The following RARB variants were observed in gnomAD, a reference collection of about 807,000 sequenced individuals.
RARB encodes HBV-activated protein.
In RARB, 17 loss-of-function variants were observed where a neutral mutation model predicts 51.9. That is an observed-to-expected ratio of 0.33 (90% CI 0.22 to 0.49). RARB has a LOEUF of 0.49. RARB is among the 20% of genes least tolerant of loss of function. The pLI, the probability that RARB is intolerant of heterozygous loss-of-function variation, is 0.99. For synonymous variants in RARB, 215 were observed against 195.4 expected, an observed-to-expected ratio of 1.10 and a Z score of -0.84; for missense variants, 369 against 550.8, an observed-to-expected ratio of 0.67 and a Z score of 3.30.
chr3:25,548,038 TGA>T (rs1292926968), intron 3 of RARB, among the ~76,000 whole-genome samples: 2 of 151,964 alleles, frequency 1.3e-5, no homozygotes, highest in Non-Finnish European at 2.9e-5. Flanking sequence ...TTTTCTAGCT[TGA>T]GTGACATAAA....
intron 5 of RARB, among the ~76,000 whole-genome samples, chr3:25,582,401 C>T (rs147501774): frequency 2.9e-4 from 44 of 152,158 alleles, no homozygotes; most frequent in African/African-American, 9.9e-4. Context: ...GTCATTCTGA[C>T]AGCCCTGCAT....
intron 2 of RARB, among the ~76,000 whole-genome samples, chr3:24,860,961 T>C (rs921680210): frequency 1.4e-4 from 21 of 152,178 alleles, no homozygotes; most frequent in Admixed American, 4.6e-4. Context: ...GGTTCGTATA[T>C]TTTGTGAAAC....
chr3:24,842,840 A>T, intron 1 of RARB, among the ~76,000 whole-genome samples: 1 of 152,250 alleles, frequency 6.6e-6, no homozygotes, highest in Middle Eastern at 3.2e-3. Context: ...CATGAAACCC[A>T]ATATATTTTG....
intron 5 of RARB, among the ~76,000 whole-genome samples, chr3:25,226,112 C>T (rs1190490253): frequency 1.3e-5 from 2 of 152,136 alleles, no homozygotes; most frequent in South Asian, 2.1e-4. Context: ...TAAGGAAAGA[C>T]GTGTCCACTT....
intron 5 of RARB, among the ~76,000 whole-genome samples, chr3:25,211,785 C>T: frequency 6.6e-6 from 1 of 152,164 alleles, no homozygotes; most frequent in East Asian, 1.9e-4. Context: ...CATCTGTGTT[C>T]TAGCAAAAAT....
Position 25,379,987 on chromosome 3 carries a change from AATGACTGTGTAAGCTGC to A in RARB, c.179-81198_179-81182del, listed in dbSNP as rs531427778. On this transcript the variant is annotated intron_variant, in intron 5 of 11. Coordinates refer to the RARB transcript ENST00000383772. ...AGAGATTCTGAAAGACTGCAGAAAG[AATGACTGTGTAAGCTGC>A]ATGACTGGAAAATTCATGTTGGACT... 2.3e-4 allele frequency among the ~76,000 whole-genome samples: 35 copies of A among 152,310 alleles called. No homozygotes were observed. In the East Asian group the frequency reaches 3.1e-3, roughly 13 times the overall value.
intron 3 of RARB, among the ~76,000 whole-genome samples, chr3:25,539,609 C>A (rs373718428): frequency 4.0e-5 from 1 of 24,900 alleles, no homozygotes; most frequent in Admixed American, 4.2e-4. Flanking sequence ...TTTTGTATTT[C>A]TTTTTTCCCC....
At chr3:25,439,762 T>A (rs1203525807) in intron 1 of RARB, among the ~76,000 whole-genome samples, 1 of 152,262 alleles carries the variant, frequency 6.6e-6, no homozygotes, top group East Asian at 1.9e-4. Flanking sequence ...TCTACCTGTT[T>A]CTTTTGTTTG....
At chr3:24,869,730 T>C (rs939716288) in intron 2 of RARB, among the ~76,000 whole-genome samples, 1 of 152,108 alleles carries the variant, frequency 6.6e-6, no homozygotes, top group African/African-American at 2.4e-5. Flanking sequence ...TTTTTTGCAT[T>C]TTATAAATAA....
chr3:25,284,745 G>T (rs1033450573), intron 5 of RARB, among the ~76,000 whole-genome samples: 1 of 152,306 alleles, frequency 6.6e-6, no homozygotes, highest in Non-Finnish European at 1.5e-5. Context: ...ACATGAGTTT[G>T]AACTGCGCAA....
Position 24,854,814 on chromosome 3 carries a change from C to T in RARB, c.-458-3860C>T, listed in dbSNP as rs558354817. ...GTCTCCAAATATTATGAAATGTTCC[C>T]TGGGGGCAAAATCATCCCTAGATGA... On this transcript the variant is annotated intron_variant, in intron 1 of 11. Coordinates refer to the RARB transcript ENST00000383772. Among the ~76,000 whole-genome samples the T allele has an allele frequency of 3.3e-5, 5 of 152,166 alleles. No homozygotes were observed. In the East Asian group the frequency reaches 7.7e-4, roughly 23 times the overall value.
At chr3:25,549,109 T>A (rs903366063) in intron 3 of RARB, among the ~76,000 whole-genome samples, 1 of 152,026 alleles carries the variant, frequency 6.6e-6, no homozygotes, top group South Asian at 2.1e-4. Context: ...GCGTATGAAA[T>A]GGTATCAAAA....
intron 2 of RARB, among the ~76,000 whole-genome samples, chr3:25,039,371 T>C (rs374385305): frequency 1.3e-5 from 2 of 152,206 alleles, no homozygotes; most frequent in East Asian, 3.9e-4. Context: ...TTAATTCTGA[T>C]GGTGAAAAAT....
intron 2 of RARB, among the ~76,000 whole-genome samples, chr3:25,013,067 C>T (rs1425595918): frequency 1.3e-5 from 2 of 152,086 alleles, no homozygotes; most frequent in Non-Finnish European, 2.9e-5. Context: ...CTGGCGTGGA[C>T]CCACTGTAGT....
chr3:25,298,270 C>G (rs112407851), intron 5 of RARB, among the ~76,000 whole-genome samples: 1 of 151,668 alleles, frequency 6.6e-6, no homozygotes, highest in Non-Finnish European at 1.5e-5. Flanking sequence ...GCAACCCTTG[C>G]CTCCCGGTTT....
intron 1 of RARB, among the ~76,000 whole-genome samples, chr3:25,456,949 C>T (rs950411009): frequency 1.3e-5 from 2 of 151,972 alleles, no homozygotes; most frequent in African/African-American, 4.8e-5. Flanking sequence ...TTGATTTCTC[C>T]TGGGATAAAT....
At chr3:24,914,616 C>G (rs963344788) in intron 2 of RARB, among the ~76,000 whole-genome samples, 1 of 152,148 alleles carries the variant, frequency 6.6e-6, no homozygotes, top group African/African-American at 2.4e-5. Context: ...CTGCACACAT[C>G]GTCCTGTATA....
chr3:25,435,536 C>G (rs1553614714), intron 1 of RARB, among the ~76,000 whole-genome samples: 1 of 152,050 alleles, frequency 6.6e-6, no homozygotes, highest in Non-Finnish European at 1.5e-5. Context: ...TATTGGAAAG[C>G]TTGGGGGTTT....
At chr3:25,121,725 A>G (rs193239157) in intron 3 of RARB, among the ~76,000 whole-genome samples, 380 of 152,304 alleles carry the variant, frequency 2.5e-3, no homozygotes, top group African/African-American at 8.6e-3. Context: ...ATACTTGCTG[A>G]ATTAATAGGC....
Sources: gnomAD v4.1 joint callset for allele counts (sites outside exome capture counted in the v4.1 genomes callset) on GRCh38, gnomAD v4.1.1 for gene constraint, MANE v1.5 for transcripts, NCBI Gene and HGNC (gene_info 2026-07-23, HGNC 2026-07-21) for gene names.